The following LOXL3 variants were observed in gnomAD, a reference collection of about 807,000 sequenced individuals.
LOXL3 encodes the protein lysyl oxidase homolog 3.
A neutral mutation model predicts 91.8 loss-of-function variants in LOXL3; 60 were observed. The observed-to-expected ratio is 0.65, with a 90% CI of 0.53 to 0.81. The LOEUF (loss-of-function observed/expected upper bound fraction) is 0.81. Among genes scored for constraint, LOXL3 ranks in the 30% least tolerant of loss-of-function variants. The pLI, the probability that LOXL3 is intolerant of heterozygous loss-of-function variation, is 0.00. For missense variants in LOXL3, 874 were observed against 1,000.4 expected (o/e 0.87, Z 1.70); for synonymous variants, 355 against 387.6 (o/e 0.92, Z 0.99).
chr2:74,539,599 C>T (rs968588033), intron 4 of LOXL3, among the ~76,000 whole-genome samples: 1 of 152,156 alleles, frequency 6.6e-6, no homozygotes. Context: ...ATTACTTCCT[C>T]CTTGTGTTCC....
In LOXL3 at chr2:74,534,668, G is replaced by C; in HGVS notation, c.1686C>G (p.Ala562=). 1 of 1,614,208 alleles carries C rather than the reference G, an allele frequency of 6.2e-7. No individual in the cohort carries two copies. Among genetic ancestry groups the C allele is most frequent in the Admixed American group, 1.7e-5 (1 of 60,032 alleles). The change falls in exon 10 of 14, where the codon GCC becomes GCG. Residue 562 remains alanine, a synonymous_variant. Coordinates refer to ENST00000264094, the MANE Select transcript of LOXL3 (RefSeq NM_032603.5). ...LYCAAEENCL[A]SSARSANWPY... is the part of the protein sequence containing the mutation. Reference sequence around the variant, plus strand: ...GCCAGTTGGCTGAGCGGGCTGAGCTGGCCAGGCAGTTCTCTTCCGCAGCAC... The same window carrying C: ...GCCAGTTGGCTGAGCGGGCTGAGCTCGCCAGGCAGTTCTCTTCCGCAGCAC...
intron 1 of LOXL3, chr2:74,552,925 T>C (rs1051436704): frequency 1.0e-5 from 4 of 386,220 alleles, no homozygotes; most frequent in Non-Finnish European, 1.9e-5. Flanking sequence ...TAAAAAGAGA[T>C]AGAGACTGAG....
chr2:74,538,516 T>C (rs908372335), intron 4 of LOXL3, among the ~76,000 whole-genome samples: 6 of 152,122 alleles, frequency 3.9e-5, no homozygotes, highest in Non-Finnish European at 7.4e-5. Flanking sequence ...TGAAGACAAG[T>C]TAGATGTAAT....
In LOXL3 at chr2:74,549,732, G is replaced by A. The variant is rs763586491; in HGVS notation, c.478-149C>T. 1 of 1,442,070 alleles carries A rather than the reference G, an allele frequency of 6.9e-7. No individual in the cohort carries two copies. The highest frequency in any genetic ancestry group is 9.1e-7 in the Non-Finnish European group (1 of 1,096,270). The allele number at this position is 1,442,070 out of a possible 1,614,324, so 89.3% of individuals were successfully genotyped here. ...CGCTGAGAGAGCGGCCACGATGGCCGCAGTCCGCGGTGTGGACTCTCTTGC... is the reference window on the plus strand; with the variant it reads ...CGCTGAGAGAGCGGCCACGATGGCCACAGTCCGCGGTGTGGACTCTCTTGC... On this transcript the variant is annotated intron_variant, in intron 3 of 13. Transcript: ENST00000264094. This position sits in a 1 kb window ranked among gnomAD's most constrained non-coding sequence, Gnocchi z 5.3.
chr2:74,542,531 C>G (rs1029959896), intron 4 of LOXL3, among the ~76,000 whole-genome samples: 2 of 152,032 alleles, frequency 1.3e-5, no homozygotes, highest in East Asian at 3.8e-4. Context: ...CACACACACA[C>G]ACACACACAC....
chr2:74,544,595 A>G (rs970986990), intron 4 of LOXL3, among the ~76,000 whole-genome samples: 12 of 152,242 alleles, frequency 7.9e-5, no homozygotes, highest in African/African-American at 2.4e-4. Flanking sequence ...AGAGTAGTAA[A>G]TAGTTCAATT....
In LOXL3 at chr2:74,550,281, C is replaced by T. The variant is rs756254806; in HGVS notation, c.381G>A (p.Arg127=). The T allele has an allele frequency of 3.1e-6, 5 of 1,614,178 alleles. No individual in the cohort carries two copies. Among genetic ancestry groups the T allele is most frequent in the Middle Eastern group, 1.6e-4 (1 of 6,062 alleles). ...GCGTACAGTCACTGTTCCCCCAGCC[C>T]CGGGAGGCACATTCAGTCACACTCT... ...TEQSVTECAS[R]GWGNSDCTHD... Residue 127 remains arginine (R), a synonymous_variant, in exon 3 of 14, where the codon CGG becomes CGA. Coordinates refer to ENST00000264094, the MANE Select transcript of LOXL3 (RefSeq NM_032603.5).
In LOXL3 at chr2:74,549,171, AG is replaced by A. The variant is rs1402734142; in HGVS notation, c.692+197del. 1 of 498,670 alleles carries A rather than the reference AG, an allele frequency of 2.0e-6. No homozygotes were observed. Among genetic ancestry groups the A allele is most frequent in the African/African-American group, 2.0e-5 (1 of 49,992 alleles). 30.9% of individuals were successfully genotyped at this position (498,670 alleles called of 1,614,324 possible). On this transcript the variant is annotated intron_variant, in intron 4 of 13. Coordinates refer to ENST00000264094, the MANE Select transcript of LOXL3 (RefSeq NM_032603.5). This position sits in a 1 kb window ranked among gnomAD's most constrained non-coding sequence, Gnocchi z 5.3. ...CGGGAGCCTCGCTGGTCCCCATTTC[AG>A]GTACTCCCTTGGGGCACCTTTCGTG...
intron 12 of LOXL3, 43 bp downstream of exon 12, chr2:74,534,057 G>A (rs919424776): frequency 7.4e-6 from 12 of 1,612,266 alleles, no homozygotes; most frequent in African/African-American, 1.3e-5. Flanking sequence ...TGTCTTTAAC[G>A]CTCCCCCCAC....
Position 74,536,635 on chromosome 2 carries a change from T to C in LOXL3, c.912+74A>G. ...TCTCTGTCCTCAAAGGTCAGGGCTG[T>C]GCTTAGTCTGGGGTTGCCAGGCTAG... is the stretch of plus-strand genomic sequence containing the variant. On this transcript the variant is annotated intron_variant, in intron 5 of 13. Coordinates refer to ENST00000264094, the MANE Select transcript of LOXL3 (RefSeq NM_032603.5). The surrounding 1 kb of genome is among the most constrained non-coding windows in gnomAD (Gnocchi z 4.5). The C allele has an allele frequency of 1.3e-6, 2 of 1,532,538 alleles. No individual in the cohort carries two copies. Among genetic ancestry groups the C allele is most frequent in the Non-Finnish European group, 1.8e-6 (2 of 1,114,942 alleles). The allele number at this position is 1,532,538 out of a possible 1,614,324, so 94.9% of individuals were successfully genotyped here.
intron 4 of LOXL3, among the ~76,000 whole-genome samples, chr2:74,547,968 T>C (rs1676704783): frequency 6.6e-6 from 1 of 152,220 alleles, no homozygotes; most frequent in Admixed American, 6.5e-5. Flanking sequence ...AATATATAGA[T>C]AGATAAGGTG....
Position 74,535,819 on chromosome 2 carries a change from C to G in LOXL3, c.1249-64G>C. On this transcript the variant is annotated intron_variant, in intron 7 of 13. Coordinates refer to ENST00000264094, the MANE Select transcript of LOXL3 (RefSeq NM_032603.5). This position sits in a 1 kb window ranked among gnomAD's most constrained non-coding sequence, Gnocchi z 4.2. ...GGGGTGAGGTAGTGGGAGTCTCTAA[C>G]AGATGTGGCTGAAGCGTGACTCAGG... 1.3e-6 allele frequency: 2 copies of G among 1,512,462 alleles called. No homozygotes were observed. Among genetic ancestry groups the G allele is most frequent in the Non-Finnish European group, 1.8e-6 (2 of 1,133,984 alleles). The allele number at this position is 1,512,462 out of a possible 1,614,324, so 93.7% of individuals were successfully genotyped here. A position where few individuals can be genotyped will look rare whatever the true frequency, so the allele number is the denominator to read the frequency against.
In LOXL3 at chr2:74,549,293, C is replaced by T; in HGVS notation, c.692+76G>A. 1 of 1,456,076 alleles carries T rather than the reference C, an allele frequency of 6.9e-7. No homozygotes were observed. Among genetic ancestry groups the T allele is most frequent in the Non-Finnish European group, 9.1e-7 (1 of 1,097,520 alleles). The allele number at this position is 1,456,076 out of a possible 1,614,324, so 90.2% of individuals were successfully genotyped here. ...GGTCCTCCCGTGCCCCGGACCTGCTCAGATGTCTCCCAAGGCTATTCATCA... is the reference window on the plus strand; with the variant it reads ...GGTCCTCCCGTGCCCCGGACCTGCTTAGATGTCTCCCAAGGCTATTCATCA... On this transcript the variant is annotated intron_variant, in intron 4 of 13. Transcript: ENST00000264094. The surrounding 1 kb of genome is among the most constrained non-coding windows in gnomAD (Gnocchi z 5.3).
chr2:74,554,731 G>C (rs754352565), upstream of LOXL3: 1 of 1,605,254 alleles, frequency 6.2e-7, no homozygotes. This position sits in a 1 kb window ranked among gnomAD's most constrained non-coding sequence, Gnocchi z 4.9. Flanking sequence ...GGGCCAGGAA[G>C]CGCGGAAGGA....
Position 74,536,859 on chromosome 2 carries a change from G to C in LOXL3, c.762C>G (p.His254Gln), listed in dbSNP as rs1676059310. The change falls in exon 5 of 14, where the codon CAC becomes CAG. Residue 254 changes from histidine (H) to glutamine (Q), a missense_variant. His to Gln is a conservative substitution (Grantham distance 24, BLOSUM62 0). Transcript: ENST00000264094. The surrounding 1 kb of genome is among the most constrained non-coding windows in gnomAD (Gnocchi z 4.5). ...HGVACVGTEAHLSLCSLEFYR... is the reference protein window; with the variant it reads ...HGVACVGTEAQLSLCSLEFYR... Reference sequence around the variant, plus strand: ...AGAACTCCAGGGAACAGAGGGAGAGGTGGGCCTCCGTGCCCACGCACGCCA... The same window carrying C: ...AGAACTCCAGGGAACAGAGGGAGAGCTGGGCCTCCGTGCCCACGCACGCCA... 6.2e-7 allele frequency: 1 copy of C among 1,614,204 alleles called. No individual in the cohort carries two copies. The highest frequency in any genetic ancestry group is 1.7e-5 in the Admixed American group (1 of 60,028).
upstream of LOXL3, chr2:74,554,939 C>G: frequency 6.6e-7 from 1 of 1,504,202 alleles, no homozygotes; most frequent in Non-Finnish European, 9.1e-7. This position sits in a 1 kb window ranked among gnomAD's most constrained non-coding sequence, Gnocchi z 4.9. Context: ...GTGACTTTCC[C>G]GTGAAGTTGC....
Position 74,534,114 on chromosome 2 carries a change from T to G in LOXL3, c.2062A>C (p.Asn688His). ...ACTCCAGGTACCTGGAGAATGTAGT[T>G]TCCTGGCTTCACATCCGTGATGTCA... ...WIDITDVKPG[N>H]YILQVVINPN... The change falls in exon 12 of 14, where the codon AAC becomes CAC. Residue 688 changes from asparagine (N) to histidine (H), a missense_variant. Coordinates refer to ENST00000264094, the MANE Select transcript of LOXL3 (RefSeq NM_032603.5). 1 of 1,614,166 alleles carries G rather than the reference T, an allele frequency of 6.2e-7. No individual in the cohort carries two copies. The highest frequency in any genetic ancestry group is 1.1e-5 in the South Asian group (1 of 91,088).
rs373417674 is a variant in LOXL3 at position 74,543,816 on chromosome 2, G to A, written c.692+5553C>T. ...CTCGAGAGGCTGAGGTAGGAGAATT[G>A]CTTGAACCCAGGAGGCGGAGGTTGC... On this transcript the variant is annotated intron_variant, in intron 4 of 13. Coordinates refer to ENST00000264094, the MANE Select transcript of LOXL3 (RefSeq NM_032603.5). Among the ~76,000 whole-genome samples the A allele has an allele frequency of 2.5e-4, 36 of 146,096 alleles. No homozygotes were observed. In the South Asian group the frequency reaches 7.2e-3, roughly 29 times the overall value.
rs141984491 is a variant in LOXL3 at position 74,549,642 on chromosome 2, C to G, written c.478-59G>C. 2.0e-6 allele frequency: 3 copies of G among 1,536,922 alleles called. No individual in the cohort carries two copies. The highest frequency in any genetic ancestry group is 2.6e-6 in the Non-Finnish European group (3 of 1,134,192). ...CAGTGGCACCTTTCATGTGTCCCGCCGCCCTTAAGGAACCCTGCTTGGTGT... is the reference window on the plus strand; with the variant it reads ...CAGTGGCACCTTTCATGTGTCCCGCGGCCCTTAAGGAACCCTGCTTGGTGT... On this transcript the variant is annotated intron_variant, in intron 3 of 13. Transcript: ENST00000264094. The surrounding 1 kb of genome is among the most constrained non-coding windows in gnomAD (Gnocchi z 5.3).
Sources: gnomAD v4.1 joint callset for allele counts (sites outside exome capture counted in the v4.1 genomes callset) on GRCh38, gnomAD v4.1.1 for gene constraint, Gnocchi (gnomAD v3.1) non-coding constraint, MANE v1.5 for transcripts, NCBI Gene and HGNC (gene_info 2026-07-23, HGNC 2026-07-21) for gene names.